The following MIPOL1 variants were observed in gnomAD, a reference collection of about 807,000 sequenced individuals.
The protein encoded by MIPOL1 is mirror-image polydactyly gene 1 protein.
MIPOL1 carries 57 observed loss-of-function variants against 60.9 expected under a neutral mutation model. That is an observed-to-expected ratio of 0.94 (90% CI 0.76 to 1.17). MIPOL1 has a LOEUF of 1.17. MIPOL1 is among the 50% of genes most tolerant of loss of function. The pLI is 0.00. For missense variants in MIPOL1, 551 were observed against 511.6 expected, an observed-to-expected ratio of 1.08 and a Z score of -0.74; for synonymous variants, 179 against 168.8, an observed-to-expected ratio of 1.06 and a Z score of -0.47.
chr14:37,322,581 C>T (rs2088695287), intron 9 of MIPOL1, among the ~76,000 whole-genome samples: 1 of 151,586 alleles, frequency 6.6e-6, no homozygotes, highest in Non-Finnish European at 1.5e-5. Flanking sequence ...GATTTTCTTT[C>T]TTTAAAAATA....
chr14:37,281,652 G>A lies in MIPOL1; in HGVS notation c.494-3666G>A, dbSNP rs576290929. On this transcript the variant is annotated intron_variant, in intron 6 of 12. Coordinates refer to ENST00000684589, the MANE Select transcript of MIPOL1 (RefSeq NM_001388067.1). The stretch of plus-strand genomic sequence containing the variant: ...ACTCTTGACCTCAGGTGATCCACCC[G>A]CCTTGGCCTCCCAAAGGGCTGGGAT... 1.7e-3 allele frequency among the ~76,000 whole-genome samples: 255 copies of A among 152,200 alleles called. 1 individual carries two copies. In the Middle Eastern group the frequency reaches 0.017, roughly 10 times the overall value.
chr14:37,390,965 A>T (rs2093220411), intron 10 of MIPOL1, among the ~76,000 whole-genome samples: 1 of 152,106 alleles, frequency 6.6e-6, no homozygotes, highest in African/African-American at 2.4e-5. Flanking sequence ...AGAAAATGAC[A>T]CATGGACACA....
intron 7 of MIPOL1, among the ~76,000 whole-genome samples, chr14:37,298,314 A>C (rs2153425628): frequency 6.6e-6 from 1 of 152,220 alleles, no homozygotes; most frequent in Non-Finnish European, 1.5e-5. Context: ...GATGGATTAA[A>C]GACTTACATG....
rs539996210 is a variant in MIPOL1 at position 37,386,263 on chromosome 14, G to C, written c.936+16639G>C. Among the ~76,000 whole-genome samples the C allele has an allele frequency of 3.3e-5, 5 of 151,988 alleles. No individual in the cohort carries two copies. In the East Asian group the frequency reaches 9.7e-4, roughly 29 times the overall value. On this transcript the variant is annotated intron_variant, in intron 10 of 12. Transcript: ENST00000684589. Reference sequence around the variant, plus strand: ...TTTAATAAAATTGAGGTTCCTTTCTGATTTGTTTCAGTATTTATTTTCAAA... The same window carrying C: ...TTTAATAAAATTGAGGTTCCTTTCTCATTTGTTTCAGTATTTATTTTCAAA...
intron 10 of MIPOL1, among the ~76,000 whole-genome samples, chr14:37,405,543 G>T (rs1420091438): frequency 1.3e-5 from 2 of 151,976 alleles, no homozygotes; most frequent in Non-Finnish European, 2.9e-5. Context: ...TTTTTAAAAA[G>T]TTGCTTTTAA....
intron 10 of MIPOL1, among the ~76,000 whole-genome samples, chr14:37,404,865 G>A (rs976024140): frequency 2.6e-5 from 4 of 152,072 alleles, no homozygotes; most frequent in African/African-American, 9.7e-5. Flanking sequence ...TTCAACAGCT[G>A]GTAATTAACA....
In MIPOL1 at chr14:37,343,417, C is replaced by T. The variant is rs533104892; in HGVS notation, c.829-26100C>T. Among the ~76,000 whole-genome samples the T allele has an allele frequency of 5.9e-5, 9 of 152,226 alleles. No homozygotes were observed. The South Asian group carries it at 1.7e-3, about 28-fold the overall frequency. On this transcript the variant is annotated intron_variant, in intron 9 of 12. Coordinates refer to ENST00000684589, the MANE Select transcript of MIPOL1 (RefSeq NM_001388067.1). ...GAAAAGGAATAAAAACTTCTATAGTCGTAAGTACTTTCAAACATCTGCAGT... is the reference window on the plus strand; with the variant it reads ...GAAAAGGAATAAAAACTTCTATAGTTGTAAGTACTTTCAAACATCTGCAGT...
chr14:37,417,826 C>T (rs946249952), intron 10 of MIPOL1, among the ~76,000 whole-genome samples: 1 of 152,078 alleles, frequency 6.6e-6, no homozygotes, highest in South Asian at 2.1e-4. Flanking sequence ...TTAAATTATA[C>T]CATATTGAAA....
Position 37,451,808 on chromosome 14 carries a change from C to CTTTTTTTTTTTTT in MIPOL1, c.1031+28871_1031+28883dup, listed in dbSNP as rs535978128. ...CTTAAGGTTCTTTTGTTTATTCTCT[C>CTTTTTTTTTTTTT]TTTTTTTTTTTTTTTTTTTTTTTTG... On this transcript the variant is annotated intron_variant, in intron 11 of 12. Coordinates refer to ENST00000684589, the MANE Select transcript of MIPOL1 (RefSeq NM_001388067.1). 9.9e-4 allele frequency among the ~76,000 whole-genome samples: 84 copies of CTTTTTTTTTTTTT among 84,562 alleles called. 9 individuals are homozygous for CTTTTTTTTTTTTT. The highest frequency in any genetic ancestry group is 5.2e-3 in the African/African-American group (82 of 15,744). The allele number at this position is 84,562 out of a possible 152,430, so 55.5% of individuals were successfully genotyped here. A position where few individuals can be genotyped will look rare whatever the true frequency, so the allele number is the denominator to read the frequency against.
At chr14:37,270,748 T>C (rs760772872) in intron 6 of MIPOL1, among the ~76,000 whole-genome samples, 1 of 148,624 alleles carries the variant, frequency 6.7e-6, no homozygotes, top group African/African-American at 2.5e-5. Context: ...GGGCATTAAA[T>C]GCATTGTTAA....
At chr14:37,350,726 T>C (rs1039027219) in intron 9 of MIPOL1, among the ~76,000 whole-genome samples, 1 of 152,142 alleles carries the variant, frequency 6.6e-6, no homozygotes, top group Non-Finnish European at 1.5e-5. Flanking sequence ...CCTCCAGCCC[T>C]CAACTACCCT....
At chr14:37,348,198 A>G (rs1023619572) in intron 9 of MIPOL1, among the ~76,000 whole-genome samples, 1 of 152,196 alleles carries the variant, frequency 6.6e-6, no homozygotes, top group African/African-American at 2.4e-5. Context: ...TAATTTGCAT[A>G]GGATAATAGC....
Position 37,422,891 on chromosome 14 carries a change from G to T in MIPOL1, c.973G>T (p.Ala325Ser), listed in dbSNP as rs1403542432. The stretch of plus-strand genomic sequence containing the variant: ...ATCTATGCAACAAGCCAGAGAAACT[G>T]CAGTTCAACAGTACAAAAAACTGGA... ...LLSMQQARETAVQQYKKLEEE... is the reference protein window; with the variant it reads ...LLSMQQARETSVQQYKKLEEE... The change falls in exon 11 of 13, where the codon GCA becomes TCA. Residue 325 changes from alanine to serine, a missense_variant. Ala to Ser is a moderately conservative substitution (Grantham distance 99). Coordinates refer to ENST00000684589, the MANE Select transcript of MIPOL1 (RefSeq NM_001388067.1). The T allele has an allele frequency of 1.2e-6, 2 of 1,608,880 alleles. No homozygotes were observed. Among genetic ancestry groups the T allele is most frequent in the East Asian group, 2.2e-5 (1 of 44,594 alleles).
intron 7 of MIPOL1, among the ~76,000 whole-genome samples, chr14:37,303,433 C>T (rs993016540): frequency 2.6e-5 from 4 of 151,912 alleles, no homozygotes; most frequent in Admixed American, 2.6e-4. Flanking sequence ...CTCAGAACTT[C>T]GATTAAACTG....
At chr14:37,314,924 TG>T (rs557489720) in intron 9 of MIPOL1, among the ~76,000 whole-genome samples, 67 of 152,306 alleles carry the variant, frequency 4.4e-4, no homozygotes, top group African/African-American at 1.6e-3. Context: ...GTACCTGTTA[TG>T]TGCTGTGTGT....
chr14:37,437,356 T>C (rs2094177544), intron 11 of MIPOL1, among the ~76,000 whole-genome samples: 1 of 152,126 alleles, frequency 6.6e-6, no homozygotes, highest in Non-Finnish European at 1.5e-5. Context: ...TTTTAACCCA[T>C]GGAAAGTTTA....
chr14:37,229,645 G>T (rs1028845759), intron 1 of MIPOL1, among the ~76,000 whole-genome samples: 2 of 151,990 alleles, frequency 1.3e-5, no homozygotes, highest in African/African-American at 4.8e-5. Context: ...AAAACTATTA[G>T]GAGGAAAAAT....
intron 1 of MIPOL1, among the ~76,000 whole-genome samples, chr14:37,237,212 A>G (rs1007167466): frequency 6.6e-6 from 1 of 152,108 alleles, no homozygotes; most frequent in African/African-American, 2.4e-5. Flanking sequence ...TAGGTGAAAC[A>G]GAGGAGTGCC....
intron 11 of MIPOL1, among the ~76,000 whole-genome samples, chr14:37,443,255 T>C (rs549736268): frequency 6.6e-6 from 1 of 151,868 alleles, no homozygotes; most frequent in Non-Finnish European, 1.5e-5. Context: ...GACCAGGAGT[T>C]TGAGACCAGT....
Sources: allele counts gnomAD v4.1 joint callset (sites outside exome capture counted in the v4.1 genomes callset), GRCh38; gene constraint gnomAD v4.1.1; transcripts MANE v1.5; gene names NCBI Gene and HGNC (gene_info 2026-07-23, HGNC 2026-07-21).